RARS1: variants seen among roughly 807,000 people sequenced by gnomAD.
RARS1 encodes arginyl-tRNA synthetase 1, also known as arginine--tRNA ligase, cytoplasmic.
Under a neutral mutation model 78.7 loss-of-function variants are expected in RARS1, and 75 were observed. The ratio of observed to expected loss-of-function variants is 0.95; its 90% CI spans 0.79 to 1.15. The LOEUF (loss-of-function observed/expected upper bound fraction) is 1.15. Ranked by LOEUF, RARS1 falls within the 50% of genes most tolerant of loss-of-function variation. The pLI, the probability that RARS1 is intolerant of heterozygous loss-of-function variation, is 0.00. For synonymous variants in RARS1, 273 were observed against 268.2 expected (o/e 1.02, Z -0.18); for missense variants, 787 against 787.5 (o/e 1.00, Z 0.01).
Position 168,501,583 on chromosome 5 carries a change from C to T in RARS1, c.953-418C>T, listed in dbSNP as rs760349299. Among the ~76,000 whole-genome samples the T allele has an allele frequency of 3.8e-4, 58 of 152,056 alleles. 1 individual carries two copies. The highest frequency in any genetic ancestry group is 1.6e-4 in the Non-Finnish European group (11 of 68,010). ...ACTAAAAGTGGAAAAATTAGCCGGG[C>T]GTGGTGGCACACGCCTGTAGTCCCA... On this transcript the variant is annotated intron_variant, in intron 8 of 14. Coordinates refer to ENST00000231572, the MANE Select transcript of RARS1 (RefSeq NM_002887.4).
intron 6 of RARS1, among the ~76,000 whole-genome samples, chr5:168,496,827 C>A (rs967196452): frequency 2.6e-5 from 4 of 152,090 alleles, no homozygotes; most frequent in African/African-American, 9.7e-5. Flanking sequence ...TATTTGGGAA[C>A]CATTGGTCTA....
rs1187776984 is a variant in RARS1, at chr5:168,500,696, C to G, written c.928C>G (p.Leu310Val). 2 of 1,611,136 alleles carry G rather than the reference C, an allele frequency of 1.2e-6. No homozygotes were observed. Among genetic ancestry groups the G allele is most frequent in the South Asian group, 2.2e-5 (2 of 90,616 alleles). The change falls in exon 8 of 15, where the codon CTT becomes GTT. Residue 310 changes from leucine (L) to valine (V), a missense_variant. By Grantham distance (32) the Leu-to-Val change is conservative. Coordinates refer to ENST00000231572, the MANE Select transcript of RARS1 (RefSeq NM_002887.4). ...CCCAGATATTACAAAAGCTTGGAAG[C>G]TTATCTGTGATGTCTCCCGCCAAGG... Reference protein sequence around the residue: ...KNPDITKAWKLICDVSRQELN... With the variant: ...KNPDITKAWKVICDVSRQELN...
chr5:168,503,227 A>G (rs1758367393), intron 9 of RARS1, among the ~76,000 whole-genome samples: 1 of 152,196 alleles, frequency 6.6e-6, no homozygotes, highest in Non-Finnish European at 1.5e-5. Flanking sequence ...TATTGGCTTT[A>G]TCAGCTATTT....
rs756756921 is a variant in RARS1, at chr5:168,519,240, A to T, written c.*50A>T. On this transcript the variant is annotated 3_prime_UTR_variant, in exon 15 of 15. Coordinates refer to ENST00000231572, the MANE Select transcript of RARS1 (RefSeq NM_002887.4). ...TGTTTTTACCAAAGTGGCCATTGGC[A>T]CTGTTTGCTTTTTTACAATCATGTG... is the stretch of plus-strand genomic sequence containing the variant. 16 of 1,435,276 alleles carry T rather than the reference A, an allele frequency of 1.1e-5. No individual in the cohort carries two copies. Among genetic ancestry groups the T allele is most frequent in the African/African-American group, 1.4e-5 (1 of 70,834 alleles). The allele number at this position is 1,435,276 out of a possible 1,614,324, so 88.9% of individuals were successfully genotyped here.
intron 7 of RARS1, among the ~76,000 whole-genome samples, chr5:168,499,859 CAATG>C (rs2152904453): frequency 6.6e-6 from 1 of 152,140 alleles, no homozygotes; most frequent in South Asian, 2.1e-4. Flanking sequence ...AGAAATAAAA[CAATG>C]AAAGCAACTT....
At position 168,506,823 on chromosome 5, in the gene RARS1, G is replaced by A. The variant is rs781153631; in HGVS notation, c.1338G>A (p.Gly446=). 1 of 1,606,920 alleles carries A rather than the reference G, an allele frequency of 6.2e-7. No homozygotes were observed. Among genetic ancestry groups the A allele is most frequent in the African/African-American group, 1.3e-5 (1 of 74,856 alleles). The change falls in exon 11 of 15, where the codon GGG becomes GGA. Residue 446 remains glycine (G), a synonymous_variant. Transcript: ENST00000231572. ...VFHAGFGVVL[G]EDKKKFKTRS... ...ATGCTGGATTTGGTGTGGTGCTAGGGGAAGACAAGTAAGTCTGGAAAATCT... is the reference window on the plus strand; with the variant it reads ...ATGCTGGATTTGGTGTGGTGCTAGGAGAAGACAAGTAAGTCTGGAAAATCT...
chr5:168,500,497 G>A, intron 7 of RARS1, 94 bp from the exon 8 acceptor site: 1 of 1,210,126 alleles, frequency 8.3e-7, no homozygotes, highest in Non-Finnish European at 1.1e-6. Flanking sequence ...TTCTCACTGT[G>A]TTTGTGTGTG....
chr5:168,511,665 A>T (rs1005735861), intron 12 of RARS1, among the ~76,000 whole-genome samples: 1 of 152,180 alleles, frequency 6.6e-6, no homozygotes, highest in Non-Finnish European at 1.5e-5. Context: ...TTTTTAAGTT[A>T]CTTTTAATTG....
At position 168,519,243 on chromosome 5, in the gene RARS1, GTTTGCTTTT is replaced by G. The variant is rs1758739041; in HGVS notation, c.*56_*64del. Reference sequence around the variant, plus strand: ...TTTTACCAAAGTGGCCATTGGCACTGTTTGCTTTTTTACAATCATGTGGACACAAGCATA... The same window carrying G: ...TTTTACCAAAGTGGCCATTGGCACTGTTACAATCATGTGGACACAAGCATA... On this transcript the variant is annotated 3_prime_UTR_variant, in exon 15 of 15. Transcript: ENST00000231572. 1 of 1,417,802 alleles carries G rather than the reference GTTTGCTTTT, an allele frequency of 7.1e-7. No homozygotes were observed. Among genetic ancestry groups the G allele is most frequent in the Non-Finnish European group, 9.9e-7 (1 of 1,014,060 alleles). 87.8% of individuals were successfully genotyped at this position (1,417,802 alleles called of 1,614,324 possible).
At chr5:168,497,787 C>T (rs1394929043) in intron 7 of RARS1, among the ~76,000 whole-genome samples, 2 of 151,856 alleles carry the variant, frequency 1.3e-5, no homozygotes, top group African/African-American at 4.8e-5. Flanking sequence ...GCCTTAGAAA[C>T]AGCCATCCCC....
intron 11 of RARS1, among the ~76,000 whole-genome samples, chr5:168,509,561 A>G (rs555234455): frequency 6.6e-6 from 1 of 152,044 alleles, no homozygotes; most frequent in South Asian, 2.1e-4. Flanking sequence ...TGCCCAGGGC[A>G]ATGCTTATTA....
intron 2 of RARS1, among the ~76,000 whole-genome samples, chr5:168,492,430 C>G (rs1582427692): frequency 6.6e-6 from 1 of 152,096 alleles, no homozygotes; most frequent in Non-Finnish European, 1.5e-5. Context: ...AAAACAAATG[C>G]AAAAAGTAAG....
At chr5:168,499,345 G>A (rs759276352) in intron 7 of RARS1, among the ~76,000 whole-genome samples, 8 of 152,062 alleles carry the variant, frequency 5.3e-5, no homozygotes, top group Admixed American at 1.3e-4. Context: ...TCCCTATGGT[G>A]GAAGGATCAT....
intron 2 of RARS1, among the ~76,000 whole-genome samples, chr5:168,491,414 C>A (rs1447167819): frequency 1.3e-5 from 2 of 152,174 alleles, no homozygotes; most frequent in Admixed American, 6.5e-5. Context: ...TTGGCATTTG[C>A]TGTTGGAAAT....
intron 13 of RARS1, among the ~76,000 whole-genome samples, chr5:168,517,323 A>T (rs557407428): frequency 3.1e-4 from 47 of 152,256 alleles, no homozygotes; most frequent in African/African-American, 1.1e-3. Flanking sequence ...TTGTATTTTT[A>T]GTGGAGACGG....
chr5:168,501,345 A>G (rs1256690097), intron 8 of RARS1, among the ~76,000 whole-genome samples: 1 of 151,756 alleles, frequency 6.6e-6, no homozygotes, highest in Non-Finnish European at 1.5e-5. Context: ...ATCAGGAAAA[A>G]CCAGAAGAAA....
chr5:168,491,946 CTTTTTTT>C (rs149780336), intron 2 of RARS1, among the ~76,000 whole-genome samples: 1 of 102,612 alleles, frequency 9.7e-6, no homozygotes. Flanking sequence ...TGTCATTCAC[CTTTTTTT>C]TTTTTTTTTT....
At chr5:168,515,826 C>T (rs755967724) in intron 12 of RARS1, among the ~76,000 whole-genome samples, 4 of 152,192 alleles carry the variant, frequency 2.6e-5, no homozygotes, top group Non-Finnish European at 5.9e-5. Context: ...TTACCATTTG[C>T]TCTTTCCTGA....
rs1159870590 is a variant in RARS1, at chr5:168,517,990, A to G, written c.1801A>G (p.Ile601Val). The G allele has an allele frequency of 1.9e-6, 3 of 1,600,412 alleles. No homozygotes were observed. The highest frequency in any genetic ancestry group is 2.6e-6 in the Non-Finnish European group (3 of 1,173,142). Residue 601 changes from isoleucine (I) to valine (V), a missense_variant, in exon 14 of 15, where the codon ATA becomes GTA. Transcript: ENST00000231572. ...DLFLHTLCDY[I>V]YELATAFTEF... The stretch of plus-strand genomic sequence containing the variant: ...ATTTCTCCACACTCTCTGTGATTAT[A>G]TATATGAGCTGGCAACTGCTTTCAC...
Sources: allele counts gnomAD v4.1 joint callset (sites outside exome capture counted in the v4.1 genomes callset), GRCh38; gene constraint gnomAD v4.1.1; transcripts MANE v1.5; gene names NCBI Gene and HGNC (gene_info 2026-07-23, HGNC 2026-07-21).